Variants in COL10A1 observed in about 807,000 individuals in gnomAD.
The protein encoded by COL10A1 is collagen alpha-1(X) chain.
In COL10A1, 10 loss-of-function variants were observed where a neutral mutation model predicts 18.2. The ratio of observed to expected loss-of-function variants is 0.55; its 90% CI spans 0.34 to 0.93. The LOEUF (loss-of-function observed/expected upper bound fraction) is 0.93, where lower values mean the gene tolerates loss of function less well. Among genes scored for constraint, COL10A1 ranks in the 40% least tolerant of loss-of-function variants. The pLI, the probability that COL10A1 is intolerant of heterozygous loss-of-function variation, is 0.02. For missense variants in COL10A1, 897 were observed against 853.5 expected (o/e 1.05, Z -0.64); for synonymous variants, 330 against 316.6 (o/e 1.04, Z -0.45).
In COL10A1 at chr6:116,143,376, A is replaced by C. The variant is rs544958016; in HGVS notation, c.-16+15238T>G. Among the ~76,000 whole-genome samples, 186 of 152,156 alleles carry C rather than the reference A, an allele frequency of 1.2e-3. 1 individual carries two copies. The highest frequency in any genetic ancestry group is 2.3e-3 in the South Asian group (11 of 4,820). On this transcript the variant is annotated intron_variant, in intron 1 of 1. Transcript: ENST00000418500. ...TAGGCATGCATCACCATACCCAGCT[A>C]ATTTTTTTTGTATCTTTAGTAGAGA... is the stretch of plus-strand genomic sequence containing the variant.
In COL10A1 at chr6:116,121,811, G is replaced by A; in HGVS notation, c.305C>T (p.Pro102Leu). The A allele has an allele frequency of 6.2e-7, 1 of 1,613,942 alleles. No individual in the cohort carries two copies. Among genetic ancestry groups the A allele is most frequent in the Non-Finnish European group, 8.5e-7 (1 of 1,179,956 alleles). The change falls in exon 3 of 3, where the codon CCA (proline) becomes CTA (leucine). Residue 102 changes from proline (P) to leucine (L), a missense_variant. Transcript: ENST00000651968. ...CACACCTGGTTTCCCTACAGCTGAT[G>A]GTCCCGGTGGTCCTGGCAACCCTGG... ...GEPGLPGPPG[P>L]SAVGKPGVPG...
chr6:116,122,879 A>T (rs987946181), intron 2 of COL10A1, among the ~76,000 whole-genome samples: 2 of 152,216 alleles, frequency 1.3e-5, no homozygotes, highest in African/African-American at 4.8e-5. Flanking sequence ...ATAAATACAT[A>T]GAGCTTTCCC....
At chr6:116,187,751 A>G in the COL10A1 span, among the ~76,000 whole-genome samples, 2 of 152,214 alleles carry the variant, frequency 1.3e-5, no homozygotes, top group Non-Finnish European at 1.5e-5. Context: ...CAAATCAGTA[A>G]AGCTATCAGA....
In COL10A1 at chr6:116,120,049, G is replaced by A. The variant is rs1025613476; in HGVS notation, c.*24C>T. On this transcript the variant is annotated 3_prime_UTR_variant, in exon 3 of 3. Coordinates refer to ENST00000651968, the MANE Select transcript of COL10A1 (RefSeq NM_000493.4). ...TTAGAGAATGCTTTTTCTAGCACAAGATTTAGATTAGCTCTGTGTGTACTC... is the reference window on the plus strand; with the variant it reads ...TTAGAGAATGCTTTTTCTAGCACAAAATTTAGATTAGCTCTGTGTGTACTC... The A allele has an allele frequency of 3.3e-6, 5 of 1,512,872 alleles. No individual in the cohort carries two copies. The African/African-American group carries it at 6.4e-5, about 19-fold the overall frequency. 93.7% of individuals were successfully genotyped at this position (1,512,872 alleles called of 1,614,324 possible). A position where few individuals can be genotyped will look rare whatever the true frequency, so the allele number is the denominator to read the frequency against.
Position 116,125,379 on chromosome 6 carries a change from G to T in COL10A1, c.114C>A (p.Thr38=). ...PTGIKGPLPN[T]KTQFFIPYTI... ...TGTAGGGAATGAAGAACTGTGTCTT[G>T]GTGTTGGGTAGTGGGCCTTTTATGC... The change falls in exon 2 of 3, where the codon ACC becomes ACA. Residue 38 remains threonine (T), a synonymous_variant. Transcript: ENST00000651968. 6.2e-7 allele frequency: 1 copy of T among 1,613,650 alleles called. No individual in the cohort carries two copies. Among genetic ancestry groups the T allele is most frequent in the Middle Eastern group, 1.7e-4 (1 of 6,056 alleles).
At chr6:116,157,281 A>T (rs1255229164) in intron 1 of COL10A1, among the ~76,000 whole-genome samples, 1 of 152,146 alleles carries the variant, frequency 6.6e-6, no homozygotes, top group Non-Finnish European at 1.5e-5. Context: ...TTTCTGTAAA[A>T]ATGTCAGATT....
At chr6:116,180,011 A>G in the COL10A1 span, among the ~76,000 whole-genome samples, 1 of 151,600 alleles carries the variant, frequency 6.6e-6, no homozygotes, top group Non-Finnish European at 1.5e-5. Context: ...TTATTATTAC[A>G]ATTAAATCTT....
chr6:116,170,183 G>A, the COL10A1 span, among the ~76,000 whole-genome samples: 1 of 152,162 alleles, frequency 6.6e-6, no homozygotes, highest in Non-Finnish European at 1.5e-5. Context: ...TTGCTGTGAA[G>A]TGGAGAGACA....
the COL10A1 span, among the ~76,000 whole-genome samples, chr6:116,173,532 G>A: frequency 2.0e-5 from 3 of 152,102 alleles, no homozygotes; most frequent in African/African-American, 7.2e-5. Context: ...TTCCCGCTTT[G>A]AGCAACAGCA....
rs140486568 is a variant in COL10A1, at chr6:116,120,113, A to G, written c.2003T>C (p.Val668Ala). ...ESNGLYSSEY[V>A]HSSFSGFLVA... ...TAGGAATCCTGAGAAAGAGGAGTGG[A>G]CATACTCAGAGGAGTATAGGCCATT... The change falls in exon 3 of 3, where the codon GTC becomes GCC. Residue 668 changes from valine to alanine, a missense_variant. Coordinates refer to ENST00000651968, the MANE Select transcript of COL10A1 (RefSeq NM_000493.4). 2.5e-6 allele frequency: 4 copies of G among 1,614,010 alleles called. No individual in the cohort carries two copies. In the African/African-American group the frequency reaches 5.3e-5, roughly 22 times the overall value.
chr6:116,204,122 A>T, the COL10A1 span, among the ~76,000 whole-genome samples: 5 of 151,898 alleles, frequency 3.3e-5, no homozygotes, highest in Non-Finnish European at 7.4e-5. Flanking sequence ...AAGGGAGAGG[A>T]CGATGCACTG....
At chr6:116,168,418 TC>T in the COL10A1 span, among the ~76,000 whole-genome samples, 1 of 152,126 alleles carries the variant, frequency 6.6e-6, no homozygotes, top group African/African-American at 2.4e-5. Flanking sequence ...ACTGTATTTT[TC>T]AGTTCTAGAA....
the COL10A1 span, among the ~76,000 whole-genome samples, chr6:116,198,256 G>A: frequency 2.6e-5 from 4 of 152,156 alleles, no homozygotes; most frequent in Non-Finnish European, 5.9e-5. Context: ...TCAAAGCCAC[G>A]TAACTATTCC....
chr6:116,212,607 T>G, the COL10A1 span, among the ~76,000 whole-genome samples: 1 of 152,160 alleles, frequency 6.6e-6, no homozygotes, highest in South Asian at 2.1e-4. Context: ...TGATAAAATT[T>G]GATCTTTAAA....
chr6:116,143,202 C>T (rs973416834), intron 1 of COL10A1, among the ~76,000 whole-genome samples: 3 of 151,854 alleles, frequency 2.0e-5, no homozygotes, highest in African/African-American at 7.3e-5. Flanking sequence ...TACATTTTCT[C>T]ACCTCTTTTG....
the COL10A1 span, among the ~76,000 whole-genome samples, chr6:116,185,325 A>G: frequency 6.6e-6 from 1 of 152,098 alleles, no homozygotes; most frequent in East Asian, 1.9e-4. Flanking sequence ...GATGAAAAGA[A>G]TGTCTATTCT....
the COL10A1 span, among the ~76,000 whole-genome samples, chr6:116,209,092 A>G: frequency 1.3e-5 from 2 of 152,032 alleles, no homozygotes; most frequent in Admixed American, 1.3e-4. Context: ...GGTACTTTCT[A>G]GTAATAGTGC....
chr6:116,210,366 GA>G, the COL10A1 span, among the ~76,000 whole-genome samples: 29,471 of 146,532 alleles, frequency 0.2, 3,776 homozygotes, highest in Middle Eastern at 0.34. Context: ...TGTACCATGT[GA>G]AAAAAAAAAA....
At chr6:116,216,605 A>G in the COL10A1 span, among the ~76,000 whole-genome samples, 1 of 152,020 alleles carries the variant, frequency 6.6e-6, no homozygotes, top group Admixed American at 6.6e-5. Context: ...TAGCATATAG[A>G]TTTTCACTTT....
Sources: allele counts gnomAD v4.1 joint callset (sites outside exome capture counted in the v4.1 genomes callset), GRCh38; gene constraint gnomAD v4.1.1; transcripts MANE v1.5; gene names NCBI Gene and HGNC (gene_info 2026-07-23, HGNC 2026-07-21).